Variants in CD5L observed in about 807,000 individuals in gnomAD.
CD5L encodes CD5 molecule like.
In CD5L, 39 loss-of-function variants were observed where a neutral mutation model predicts 40.8. That is an observed-to-expected ratio of 0.96 (90% CI 0.74 to 1.25). The LOEUF is 1.25. Ranked by LOEUF, CD5L falls within the 50% of genes most tolerant of loss-of-function variation. The pLI is 0.00. For missense variants in CD5L, 433 were observed against 435.9 expected (o/e 0.99, Z 0.06); for synonymous variants, 192 against 169.6 (o/e 1.13, Z -1.03).
intron 5 of CD5L, 102 bp downstream of exon 5, chr1:157,833,090 C>T (rs997646097): frequency 3.7e-5 from 34 of 923,888 alleles, no homozygotes; most frequent in Admixed American, 6.5e-5. Flanking sequence ...AGCTTCATGG[C>T]GCTTGTGAAA....
At chr1:157,841,616 C>T in intron 1 of CD5L, 58 bp downstream of exon 1, 3 of 1,513,482 alleles carry the variant, frequency 2.0e-6, no homozygotes, top group South Asian at 2.3e-5. Flanking sequence ...AGAAAGTTCT[C>T]CTAATCAAAG....
intron 5 of CD5L, among the ~76,000 whole-genome samples, chr1:157,832,917 G>A (rs1656086459): frequency 6.6e-6 from 1 of 152,086 alleles, no homozygotes; most frequent in South Asian, 2.1e-4. Context: ...ATAATTTTCA[G>A]AACGCCTCTT....
chr1:157,833,770 T>C (rs933309114), intron 4 of CD5L, among the ~76,000 whole-genome samples: 1 of 109,140 alleles, frequency 9.2e-6, no homozygotes, highest in African/African-American at 4.3e-5. Flanking sequence ...AAAGCTCAGC[T>C]TTTTTTTTTT....
chr1:157,831,724 G>A lies in CD5L; in HGVS notation c.*240C>T, dbSNP rs1656053278. The stretch of plus-strand genomic sequence containing the variant: ...GTCAAAGGGTCAGGGTTGAGCACAG[G>A]ATACATGGAAGCTCATCTTCCCCAG... On this transcript the variant is annotated 3_prime_UTR_variant, in exon 6 of 6. Transcript: ENST00000368174. 1.6e-6 allele frequency: 2 copies of A among 1,265,800 alleles called. No individual in the cohort carries two copies. The highest frequency in any genetic ancestry group is 2.0e-6 in the Non-Finnish European group (2 of 1,004,972). 78.4% of individuals were successfully genotyped at this position (1,265,800 alleles called of 1,614,324 possible). A position where few individuals can be genotyped will look rare whatever the true frequency, so the allele number is the denominator to read the frequency against.
At chr1:157,837,888 G>A (rs1656263976) in intron 2 of CD5L, among the ~76,000 whole-genome samples, 1 of 149,188 alleles carries the variant, frequency 6.7e-6, no homozygotes, top group African/African-American at 2.5e-5. Flanking sequence ...CCATTCTCCT[G>A]CCTCAGCCTC....
chr1:157,841,612 T>G, intron 1 of CD5L, 62 bp downstream of exon 1: 11 of 1,469,640 alleles, frequency 7.5e-6, no homozygotes, highest in Non-Finnish European at 1.0e-5. Context: ...GGGGAGAAAG[T>G]TCTCCTAATC....
intron 2 of CD5L, among the ~76,000 whole-genome samples, chr1:157,837,313 G>C (rs1042430966): frequency 1.3e-5 from 2 of 151,936 alleles, no homozygotes; most frequent in Non-Finnish European, 2.9e-5. Context: ...AGGGAGACCA[G>C]GGAAGAGCCT....
chr1:157,836,257 C>A, intron 2 of CD5L, 102 bp from the exon 3 acceptor site: 1 of 937,104 alleles, frequency 1.1e-6, no homozygotes. Flanking sequence ...TCAAATGGTG[C>A]AGAGTGTTGG....
chr1:157,838,089 T>C (rs1313155185), intron 2 of CD5L, among the ~76,000 whole-genome samples: 3 of 152,176 alleles, frequency 2.0e-5, no homozygotes, highest in African/African-American at 7.2e-5. Flanking sequence ...TCTGGCTAAT[T>C]TTAAACTGCA....
intron 5 of CD5L, among the ~76,000 whole-genome samples, chr1:157,832,805 C>T (rs1656083395): frequency 6.6e-6 from 1 of 152,258 alleles, no homozygotes; most frequent in East Asian, 1.9e-4. Flanking sequence ...TATTATGGTT[C>T]TGCTATATGA....
intron 1 of CD5L, among the ~76,000 whole-genome samples, chr1:157,840,989 G>A (rs1656355526): frequency 6.6e-6 from 1 of 152,088 alleles, no homozygotes; most frequent in Admixed American, 6.5e-5. Flanking sequence ...GATTAGCATA[G>A]GGATTTACCA....
chr1:157,841,723 T>G lies in CD5L; in HGVS notation c.-22A>C, dbSNP rs1043450721. 7.4e-6 allele frequency: 12 copies of G among 1,611,590 alleles called. No homozygotes were observed. The African/African-American group carries it at 1.2e-4, about 16-fold the overall frequency. On this transcript the variant is annotated 5_prime_UTR_variant, in exon 1 of 6. Transcript: ENST00000368174. ...CCATGACCAAGGCAGGTGAAGGTGA[T>G]GAGCTGAAATTTAAGGCTAGAAGGA...
chr1:157,841,752 C>T lies in CD5L; in HGVS notation c.-51G>A, dbSNP rs1168077116. On this transcript the variant is annotated 5_prime_UTR_variant, in exon 1 of 6. Transcript: ENST00000368174. ...CTGAAATTTAAGGCTAGAAGGAGGT[C>T]CCCAAGCAGCAATATTTAGTTTTAG... is the stretch of plus-strand genomic sequence containing the variant. 6.5e-7 allele frequency: 1 copy of T among 1,526,784 alleles called. No individual in the cohort carries two copies. Among genetic ancestry groups the T allele is most frequent in the East Asian group, 2.3e-5 (1 of 44,304 alleles). 94.6% of individuals were successfully genotyped at this position (1,526,784 alleles called of 1,614,324 possible). A position where few individuals can be genotyped will look rare whatever the true frequency, so the allele number is the denominator to read the frequency against.
In CD5L at chr1:157,831,639, A is replaced by C; in HGVS notation, c.*325T>G. On this transcript the variant is annotated 3_prime_UTR_variant, in exon 6 of 6. Coordinates refer to ENST00000368174, the MANE Select transcript of CD5L (RefSeq NM_005894.3). ...TAGTAATGGTCTGCACATCTGACCA[A>C]AGTGACAGGTTTGAGGATTCCAGGC... The C allele has an allele frequency of 8.7e-7, 1 of 1,146,180 alleles. No individual in the cohort carries two copies. Among genetic ancestry groups the C allele is most frequent in the South Asian group, 4.3e-5 (1 of 23,232 alleles). The allele number at this position is 1,146,180 out of a possible 1,614,324, so 71.0% of individuals were successfully genotyped here. A position where few individuals can be genotyped will look rare whatever the true frequency, so the allele number is the denominator to read the frequency against.
chr1:157,830,013 C>T (rs576178109), downstream of CD5L, among the ~76,000 whole-genome samples: 5 of 152,308 alleles, frequency 3.3e-5, no homozygotes, highest in East Asian at 5.8e-4. Flanking sequence ...CTTTCCTTCT[C>T]TGAAGCTAGG....
chr1:157,832,002 G>A (rs1656064593), intron 5 of CD5L, 34 bp from the exon 6 acceptor site: 2 of 1,490,236 alleles, frequency 1.3e-6, no homozygotes, highest in South Asian at 1.2e-5. Context: ...AGTAAGGATG[G>A]GTATAGTCCA....
chr1:157,833,481 G>T lies in CD5L; in HGVS notation c.750C>A (p.Asp250Glu), dbSNP rs778902834. Residue 250 changes from aspartate (D) to glutamate (E), a missense_variant, in exon 5 of 6, where the codon GAC becomes GAA. Asp to Glu is a conservative substitution (Grantham distance 45, BLOSUM62 2). Transcript: ENST00000368174. ...CCTCCAGTCGCCCAGAGCAGAGGTT[G>T]TCTCCTCCTACTAGTCTCAAGTCAA... ...DPFDLRLVGG[D>E]NLCSGRLEVL... is the part of the protein sequence containing the mutation. The T allele has an allele frequency of 6.2e-7, 1 of 1,613,856 alleles. No individual in the cohort carries two copies. The highest frequency in any genetic ancestry group is 1.1e-5 in the South Asian group (1 of 91,066).
At chr1:157,827,268 ATGTGTGTGTG>A (rs4060881), downstream of CD5L, among the ~76,000 whole-genome samples, 4,027 of 143,280 alleles carry the variant, frequency 0.028, 89 homozygotes, top group African/African-American at 0.065. Flanking sequence ...CAAATGGTGT[ATGTGTGTGTG>A]TGTGTGTGTG....
At chr1:157,835,106 C>T (rs768459675) in intron 3 of CD5L, among the ~76,000 whole-genome samples, 3 of 152,132 alleles carry the variant, frequency 2.0e-5, no homozygotes, top group Non-Finnish European at 4.4e-5. Flanking sequence ...TCATTGTTGG[C>T]GTTATGAACT....
Sources: allele counts gnomAD v4.1 joint callset (sites outside exome capture counted in the v4.1 genomes callset), GRCh38; gene constraint gnomAD v4.1.1; transcripts MANE v1.5; gene names NCBI Gene and HGNC (gene_info 2026-07-23, HGNC 2026-07-21).